CDHR2: variants seen among roughly 807,000 people sequenced by gnomAD.
CDHR2 encodes the protein cadherin related family member 2, also known as cadherin-related family member 2.
In CDHR2, 104 loss-of-function variants were observed where a neutral mutation model predicts 138.6. That is an observed-to-expected ratio of 0.75 (90% CI 0.64 to 0.88). CDHR2 has a LOEUF of 0.88. Among genes scored for constraint, CDHR2 ranks in the 40% least tolerant of loss-of-function variants. The pLI, the probability that CDHR2 is intolerant of heterozygous loss-of-function variation, is 0.00. For synonymous variants in CDHR2, 755 were observed against 742.8 expected (o/e 1.02, Z -0.27); for missense variants, 1,624 against 1,727.6 (o/e 0.94, Z 1.06).
intron 1 of CDHR2, among the ~76,000 whole-genome samples, chr5:176,550,390 C>T (rs903200410): frequency 2.0e-5 from 3 of 152,122 alleles, no homozygotes; most frequent in Non-Finnish European, 4.4e-5. Context: ...CGGGGAGCTG[C>T]GTGCTCAGGT....
rs902927568 is a variant in CDHR2 at position 176,553,329 on chromosome 5, G to A, written c.-16+3915G>A. ...TTCCCCTCTTGGACGTCAGTTTGCT[G>A]AGGACTAAATGGTAATGGGGGCAAA... On this transcript the variant is annotated intron_variant, in intron 1 of 31. Coordinates refer to ENST00000261944, the MANE Select transcript of CDHR2 (RefSeq NM_017675.6). The surrounding 1 kb of genome is among the most constrained non-coding windows in gnomAD (Gnocchi z 4.3). Among the ~76,000 whole-genome samples, 6 of 152,182 alleles carry A rather than the reference G, an allele frequency of 3.9e-5. No homozygotes were observed. The highest frequency in any genetic ancestry group is 1.4e-4 in the African/African-American group (6 of 41,432).
At position 176,595,580 on chromosome 5, in the gene CDHR2, A is replaced by C; in HGVS notation, c.3841A>C (p.Ser1281Arg). 6.2e-7 allele frequency: 1 copy of C among 1,612,832 alleles called. No homozygotes were observed. Among genetic ancestry groups the C allele is most frequent in the Non-Finnish European group, 8.5e-7 (1 of 1,179,306 alleles). Residue 1281 changes from serine to arginine, a missense_variant, in exon 32 of 32, where the codon AGC (serine) becomes CGC (arginine). Around this residue, in one of 3 missense-constraint regions of CDHR2, gnomAD observed 556 missense variants for 565.7 expected, o/e 0.98. Transcript: ENST00000261944. ...ACCAGAGCCAGATCCAGAGCCCCTG[A>C]GCGTGGTCCTGTTAGGACGGCAGGC... is the stretch of plus-strand genomic sequence containing the variant. ...TPPEPDPEPL[S>R]VVLLGRQAGA...
chr5:176,577,841 C>T (rs544916136), intron 14 of CDHR2, 43 bp downstream of exon 14: 35 of 1,597,344 alleles, frequency 2.2e-5, no homozygotes, highest in Admixed American at 1.2e-4. Context: ...TCCCAGCAAG[C>T]GGGCGTGCAT....
rs1297714980 is a variant in CDHR2 at position 176,595,768 on chromosome 5, C to A, written c.*96C>A. 3 of 1,229,600 alleles carry A rather than the reference C, an allele frequency of 2.4e-6. No individual in the cohort carries two copies. The Admixed American group carries it at 8.3e-5, about 34-fold the overall frequency. The allele number at this position is 1,229,600 out of a possible 1,614,324, so 76.2% of individuals were successfully genotyped here. On this transcript the variant is annotated 3_prime_UTR_variant, in exon 32 of 32. Coordinates refer to ENST00000261944, the MANE Select transcript of CDHR2 (RefSeq NM_017675.6). Reference sequence around the variant, plus strand: ...GATGAAAATATATGACGCTGCCCTGCCTCCTGCTTTTGGCCAATCACGGCA... The same window carrying A: ...GATGAAAATATATGACGCTGCCCTGACTCCTGCTTTTGGCCAATCACGGCA...
At chr5:176,574,309 T>C in intron 7 of CDHR2, 137 bp downstream of exon 7, 2 of 662,902 alleles carry the variant, frequency 3.0e-6, no homozygotes, top group Non-Finnish European at 5.3e-6. Flanking sequence ...AACCGTCCTC[T>C]GGCCACCAGC....
rs776781805 is a variant in CDHR2, at chr5:176,569,013, G to A, written c.315+3G>A. 1 of 1,614,126 alleles carries A rather than the reference G, an allele frequency of 6.2e-7. No individual in the cohort carries two copies. The highest frequency in any genetic ancestry group is 8.5e-7 in the Non-Finnish European group (1 of 1,179,978). ...CCGTGAGCGACCCCTACATCCAGGT[G>A]AGTTGGGAGGTGCAGGGGGGTAGAC... On this transcript the variant is annotated splice_donor_region_variant and intron_variant, in intron 5 of 31. Coordinates refer to ENST00000261944, the MANE Select transcript of CDHR2 (RefSeq NM_017675.6).
Position 176,575,817 on chromosome 5 carries a change from AG to A in CDHR2, c.940del (p.Glu314ArgfsTer22). 6.4e-7 allele frequency: 1 copy of A among 1,552,330 alleles called. No homozygotes were observed. The highest frequency in any genetic ancestry group is 8.7e-7 in the Non-Finnish European group (1 of 1,147,422). Reference sequence around the variant, plus strand: ...CGTGAGCAGCTGCTGGAGGCGGATGAGGAGGTGCAGCTGCAGGTCACGGTGA... The same window carrying A: ...CGTGAGCAGCTGCTGGAGGCGGATGAGAGGTGCAGCTGCAGGTCACGGTGA... Reference protein sequence around the residue: ...LDREQLLEADEEVQLQVTATE... With the variant: ...LDREQLLEADXEVQLQVTATE... On this transcript the variant is annotated frameshift_variant, in exon 11 of 32. Transcript: ENST00000261944. LOFTEE classifies it high-confidence loss of function.
chr5:176,586,741 C>T (rs1054219307), intron 20 of CDHR2, 52 bp from the exon 21 acceptor site: 7 of 1,531,792 alleles, frequency 4.6e-6, no homozygotes, highest in African/African-American at 1.4e-5. Flanking sequence ...AGCCTTGGTC[C>T]AGGTGGGCAG....
intron 20 of CDHR2, 35 bp from the exon 21 acceptor site, chr5:176,586,758 G>C (rs561558447): frequency 9.5e-6 from 15 of 1,580,500 alleles, no homozygotes; most frequent in African/African-American, 1.3e-5. Context: ...GCAGTGTCCC[G>C]ACCCCGCTGA....
intron 3 of CDHR2, among the ~76,000 whole-genome samples, chr5:176,568,458 A>G (rs1397362607): frequency 6.6e-6 from 1 of 152,232 alleles, no homozygotes; most frequent in East Asian, 1.9e-4. Flanking sequence ...GCCTGGGTAC[A>G]GCCCCCGCCC....
rs563211941 is a variant in CDHR2, at chr5:176,576,930, G to A, written c.1195-469G>A. ...AGTGAGAGGTGGGTAACACGGTGGC[G>A]CTGGAGGATGAGTAACTCTGGAGGG... On this transcript the variant is annotated intron_variant, in intron 12 of 31. Transcript: ENST00000261944. This position sits in a 1 kb window ranked among gnomAD's most constrained non-coding sequence, Gnocchi z 4.5. Among the ~76,000 whole-genome samples, 5 of 152,282 alleles carry A rather than the reference G, an allele frequency of 3.3e-5. No individual in the cohort carries two copies. Among genetic ancestry groups the A allele is most frequent in the Admixed American group, 2.6e-4 (4 of 15,298 alleles).
At chr5:176,582,157 A>C (rs1758547795) in intron 17 of CDHR2, among the ~76,000 whole-genome samples, 2 of 152,070 alleles carry the variant, frequency 1.3e-5, no homozygotes, top group Non-Finnish European at 2.9e-5. Context: ...AGTAGTTGGG[A>C]CTATAGGCAT....
At chr5:176,579,529 G>A (rs1261059599) in intron 16 of CDHR2, among the ~76,000 whole-genome samples, 1 of 152,120 alleles carries the variant, frequency 6.6e-6, no homozygotes, top group Non-Finnish European at 1.5e-5. Flanking sequence ...AGCATTTCTG[G>A]TCGGCTGCTG....
At chr5:176,587,975 A>G (rs1219769399) in intron 21 of CDHR2, among the ~76,000 whole-genome samples, 1 of 152,156 alleles carries the variant, frequency 6.6e-6, no homozygotes, top group Non-Finnish European at 1.5e-5. Flanking sequence ...CCTTTTTAAG[A>G]CCTAAGCACT....
chr5:176,571,408 C>A, intron 6 of CDHR2, 106 bp downstream of exon 6: 1 of 700,540 alleles, frequency 1.4e-6, no homozygotes, highest in South Asian at 2.5e-5. Flanking sequence ...TTGGGAAAAA[C>A]CTCTCCTAGC....
chr5:176,574,241 A>G lies in CDHR2; in HGVS notation c.495+69A>G, dbSNP rs115454751. On this transcript the variant is annotated intron_variant, in intron 7 of 31. Transcript: ENST00000261944. ...GGCAGCATCTCCACAGACAACCCAC[A>G]GGGCCTGAACGTTGGGGTGGGGACA... 9.2e-3 allele frequency: 10,968 copies of G among 1,187,360 alleles called. 73 individuals are homozygous for G. Among genetic ancestry groups the G allele is most frequent in the Non-Finnish European group, 0.011 (8,552 of 798,362 alleles). The allele number at this position is 1,187,360 out of a possible 1,614,324, so 73.6% of individuals were successfully genotyped here. A position where few individuals can be genotyped will look rare whatever the true frequency, so the allele number is the denominator to read the frequency against.
chr5:176,545,470 T>C (rs903329065), upstream of CDHR2, among the ~76,000 whole-genome samples: 3 of 152,172 alleles, frequency 2.0e-5, no homozygotes, highest in Admixed American at 1.3e-4. Flanking sequence ...AAAAAAATTT[T>C]AAGGCACACA....
At chr5:176,563,573 G>T (rs1322311229) in intron 1 of CDHR2, among the ~76,000 whole-genome samples, 1 of 152,088 alleles carries the variant, frequency 6.6e-6, no homozygotes, top group Non-Finnish European at 1.5e-5. Context: ...ATGGCCTCAG[G>T]TCCTGTTTAT....
Position 176,591,546 on chromosome 5 carries a change from G to A in CDHR2, c.3734+62G>A, listed in dbSNP as rs28554023. 2.0e-5 allele frequency: 23 copies of A among 1,173,818 alleles called. 1 individual carries two copies. The East Asian group carries it at 3.0e-4, about 16-fold the overall frequency. The allele number at this position is 1,173,818 out of a possible 1,614,324, so 72.7% of individuals were successfully genotyped here. The stretch of plus-strand genomic sequence containing the variant: ...TGGTGGTACAGGTAGTGACGGTGGT[G>A]GTGGTGATGGTGTTGGTGGTGATGA... On this transcript the variant is annotated intron_variant, in intron 30 of 31. Coordinates refer to ENST00000261944, the MANE Select transcript of CDHR2 (RefSeq NM_017675.6).
Sources: allele counts gnomAD v4.1 joint callset (sites outside exome capture counted in the v4.1 genomes callset), GRCh38; gene constraint gnomAD v4.1.1; regional missense constraint gnomAD v4.1.1; non-coding constraint Gnocchi (gnomAD v3.1); transcripts MANE v1.5; gene names NCBI Gene and HGNC (gene_info 2026-07-23, HGNC 2026-07-21).